HDLBP: variants seen among roughly 807,000 people sequenced by gnomAD.
The protein encoded by HDLBP is vigilin.
Under a neutral mutation model 137.3 loss-of-function variants are expected in HDLBP, and 30 were observed. The observed-to-expected ratio is 0.22, with a 90% CI of 0.16 to 0.30. The LOEUF is 0.30. Among genes scored for constraint, HDLBP ranks in the 10% least tolerant of loss-of-function variants. The probability of loss-of-function intolerance (pLI) is 1.00; values close to 1 mark genes in which losing one functional copy is unlikely to be tolerated. For missense variants in HDLBP, 1,119 were observed against 1,667.3 expected (o/e 0.67, Z 5.73); for synonymous variants, 606 against 596.0 (o/e 1.02, Z -0.24).
At chr2:241,315,225 T>C (rs1339795663) in intron 1 of HDLBP, 1 of 152,060 alleles carries the variant, frequency 6.6e-6, no homozygotes, top group Non-Finnish European at 1.5e-5. Flanking sequence ...CCCGACTCGA[T>C]GGTCTGCGCA....
chr2:241,293,205 A>G (rs759437462), intron 1 of HDLBP, among the ~76,000 whole-genome samples: 4 of 152,180 alleles, frequency 2.6e-5, no homozygotes, highest in African/African-American at 4.8e-5. Context: ...TTGATGAAAT[A>G]TAAGACCAGG....
At position 241,272,633 on chromosome 2, in the gene HDLBP, G is replaced by A; in HGVS notation, c.-102-4092C>T. 1 of 970,408 alleles carries A rather than the reference G, an allele frequency of 1.0e-6. No individual in the cohort carries two copies. The highest frequency in any genetic ancestry group is 1.2e-6 in the Non-Finnish European group (1 of 817,824). 60.1% of individuals were successfully genotyped at this position (970,408 alleles called of 1,614,324 possible). A position where few individuals can be genotyped will look rare whatever the true frequency, so the allele number is the denominator to read the frequency against. On this transcript the variant is annotated intron_variant, in intron 1 of 27. Coordinates refer to ENST00000310931, the MANE Select transcript of HDLBP (RefSeq NM_005336.6). The surrounding 1 kb of genome is among the most constrained non-coding windows in gnomAD (Gnocchi z 5.6). ...GCAGCCTGGGGCCCGGGTGGGGGCCGCGGCACCCGGGCCCCTCCCCCTCCG... is the reference window on the plus strand; with the variant it reads ...GCAGCCTGGGGCCCGGGTGGGGGCCACGGCACCCGGGCCCCTCCCCCTCCG...
chr2:241,255,297 A>C, intron 8 of HDLBP, 77 bp downstream of exon 8: 1 of 1,461,272 alleles, frequency 6.8e-7, no homozygotes, highest in Non-Finnish European at 9.6e-7. Context: ...CCCAGGATTT[A>C]CAAATCGAGA....
At position 241,236,595 on chromosome 2, in the gene HDLBP, G is replaced by T. The variant is rs574945342; in HGVS notation, c.2904+20C>A. 1.2e-6 allele frequency: 2 copies of T among 1,612,870 alleles called. No homozygotes were observed. The highest frequency in any genetic ancestry group is 1.7e-6 in the Non-Finnish European group (2 of 1,179,144). Reference sequence around the variant, plus strand: ...GACTGGGCCTTGGCGGGGGGTGGAGGGGGGCACATGGACACATACCTCCAG... The same window carrying T: ...GACTGGGCCTTGGCGGGGGGTGGAGTGGGGCACATGGACACATACCTCCAG... On this transcript the variant is annotated intron_variant, in intron 21 of 27. Coordinates refer to ENST00000310931, the MANE Select transcript of HDLBP (RefSeq NM_005336.6).
intron 1 of HDLBP, among the ~76,000 whole-genome samples, chr2:241,282,116 C>A (rs1267493523): frequency 6.6e-6 from 1 of 152,182 alleles, no homozygotes; most frequent in Admixed American, 6.5e-5. Flanking sequence ...ACATGGCACA[C>A]GTGGCAGGCT....
intron 9 of HDLBP, among the ~76,000 whole-genome samples, chr2:241,254,077 G>A (rs1457789951): frequency 2.0e-5 from 3 of 152,034 alleles, no homozygotes; most frequent in Admixed American, 1.3e-4. Context: ...TTGATCCCAC[G>A]AGTTCGAGAT....
intron 17 of HDLBP, among the ~76,000 whole-genome samples, chr2:241,241,042 C>CATT (rs747067158): frequency 1.4e-4 from 21 of 152,118 alleles, no homozygotes; most frequent in Non-Finnish European, 2.8e-4. Context: ...CAAATAGCAG[C>CATT]ATTAGTCAAA....
intron 1 of HDLBP, among the ~76,000 whole-genome samples, chr2:241,290,935 CCATGAAA>C (rs2074995498): frequency 6.6e-6 from 1 of 152,084 alleles, no homozygotes; most frequent in Non-Finnish European, 1.5e-5. Flanking sequence ...AAAATATGTG[CCATGAAA>C]ATGGCACTTA....
chr2:241,237,371 C>A (rs1166843010), intron 20 of HDLBP, among the ~76,000 whole-genome samples: 1 of 152,200 alleles, frequency 6.6e-6, no homozygotes. Context: ...ACAGGCCACA[C>A]TGGGACACCG....
chr2:241,269,978 C>A (rs541538417), intron 1 of HDLBP, among the ~76,000 whole-genome samples: 1 of 152,252 alleles, frequency 6.6e-6, no homozygotes, highest in East Asian at 1.9e-4. Flanking sequence ...ACCCAGACAC[C>A]CACCCCCTTA....
chr2:241,255,944 G>A (rs2072579554), intron 7 of HDLBP, among the ~76,000 whole-genome samples: 1 of 152,230 alleles, frequency 6.6e-6, no homozygotes, highest in Admixed American at 6.5e-5. Context: ...GGGCAGCCCA[G>A]CTGGCAGCCT....
At chr2:241,283,389 T>A (rs1183799174) in intron 1 of HDLBP, among the ~76,000 whole-genome samples, 1 of 152,160 alleles carries the variant, frequency 6.6e-6, no homozygotes, top group Non-Finnish European at 1.5e-5. Context: ...TGAAAGTAGC[T>A]GCACTAAACA....
intron 7 of HDLBP, 55 bp downstream of exon 7, chr2:241,256,129 C>G: frequency 6.7e-7 from 1 of 1,484,284 alleles, no homozygotes; most frequent in Non-Finnish European, 9.4e-7. Context: ...TCTCCAGACC[C>G]AAATCCTCAT....
At chr2:241,291,440 C>T (rs902216990) in intron 1 of HDLBP, among the ~76,000 whole-genome samples, 6 of 152,088 alleles carry the variant, frequency 3.9e-5, no homozygotes, top group Non-Finnish European at 7.4e-5. Flanking sequence ...ACGGCTTCCA[C>T]GGGTTGAAGC....
At chr2:241,271,139 A>T in intron 1 of HDLBP, 1 of 985,326 alleles carries the variant, frequency 1.0e-6, no homozygotes, top group South Asian at 4.7e-5. Context: ...GGTGAGCCCT[A>T]TCTCCTGTCT....
At chr2:241,257,968 G>A (rs981995694) in intron 5 of HDLBP, among the ~76,000 whole-genome samples, 11 of 152,176 alleles carry the variant, frequency 7.2e-5, no homozygotes, top group South Asian at 2.1e-4. Flanking sequence ...AGAGCAAAAC[G>A]TCTTTTCAAG....
chr2:241,291,082 A>C (rs1204303008), intron 1 of HDLBP, among the ~76,000 whole-genome samples: 1 of 152,248 alleles, frequency 6.6e-6, no homozygotes, highest in Non-Finnish European at 1.5e-5. Flanking sequence ...CTTTTCAAAG[A>C]TGCCTCCATC....
At chr2:241,308,881 A>C (rs1316028501) in intron 1 of HDLBP, among the ~76,000 whole-genome samples, 10 of 152,118 alleles carry the variant, frequency 6.6e-5, no homozygotes, top group African/African-American at 2.4e-4. Context: ...CCAGCTCTCC[A>C]AAGGCATCAA....
rs570713675 is a variant in HDLBP at position 241,240,295 on chromosome 2, G to A, written c.2170-173C>T. 414 of 653,926 alleles carry A rather than the reference G, an allele frequency of 6.3e-4. 1 individual carries two copies. Among genetic ancestry groups the A allele is most frequent in the Non-Finnish European group, 4.1e-4 (147 of 360,458 alleles). The allele number at this position is 653,926 out of a possible 1,614,324, so 40.5% of individuals were successfully genotyped here. A position where few individuals can be genotyped will look rare whatever the true frequency, so the allele number is the denominator to read the frequency against. On this transcript the variant is annotated intron_variant, in intron 17 of 27. Coordinates refer to ENST00000310931, the MANE Select transcript of HDLBP (RefSeq NM_005336.6). The surrounding 1 kb of genome is among the most constrained non-coding windows in gnomAD (Gnocchi z 5.5). ...GCTAGCACACCTCACTGAATAAACA[G>A]ATGAATACCCAGACTGCACACCTAC...
Sources: gnomAD v4.1 joint callset for allele counts (sites outside exome capture counted in the v4.1 genomes callset) on GRCh38, gnomAD v4.1.1 for gene constraint, Gnocchi (gnomAD v3.1) non-coding constraint, MANE v1.5 for transcripts, NCBI Gene and HGNC (gene_info 2026-07-23, HGNC 2026-07-21) for gene names.